The following LAD1 variants were observed in gnomAD, a reference collection of about 807,000 sequenced individuals.
LAD1 encodes the protein ladinin 1.
Under a neutral mutation model 54.2 loss-of-function variants are expected in LAD1, and 53 were observed. That is an observed-to-expected ratio of 0.98 (90% confidence interval 0.78 to 1.23). The LOEUF (loss-of-function observed/expected upper bound fraction) is 1.23, where lower values mean the gene tolerates loss of function less well. Among genes scored for constraint, LAD1 ranks in the 50% most tolerant of loss-of-function variants. The pLI is 0.00. For missense variants in LAD1, 637 were observed against 653.3 expected (o/e 0.98, Z 0.27); for synonymous variants, 231 against 257.7 (o/e 0.90, Z 0.99).
At chr1:201,385,378 A>C (rs1047818895) in intron 4 of LAD1, among the ~76,000 whole-genome samples, 2 of 152,188 alleles carry the variant, frequency 1.3e-5, no homozygotes, top group African/African-American at 4.8e-5. Flanking sequence ...CAAGTCTCCT[A>C]GGTGAGGCCA....
At chr1:201,390,810 C>T (rs1038335242) in intron 1 of LAD1, among the ~76,000 whole-genome samples, 8 of 152,156 alleles carry the variant, frequency 5.3e-5, no homozygotes, top group African/African-American at 1.9e-4. Flanking sequence ...AGTCACCCCA[C>T]ATAGGAACCA....
In LAD1 at chr1:201,382,244, C is replaced by T; in HGVS notation, c.1548+8G>A. On this transcript the variant is annotated splice_region_variant and intron_variant, in intron 9 of 9. Coordinates refer to ENST00000391967, the MANE Select transcript of LAD1 (RefSeq NM_005558.4). Reference sequence around the variant, plus strand: ...CGCCGTAGGGCCAGGCTCCTCCCCACCATTCACCTCAGCGTCCAGCGAGGA... The same window carrying T: ...CGCCGTAGGGCCAGGCTCCTCCCCATCATTCACCTCAGCGTCCAGCGAGGA... 6.2e-7 allele frequency: 1 copy of T among 1,611,210 alleles called. No homozygotes were observed. The highest frequency in any genetic ancestry group is 8.5e-7 in the Non-Finnish European group (1 of 1,177,868).
At chr1:201,385,908 G>A (rs1571720384) in intron 3 of LAD1, 103 bp from the exon 4 acceptor site, 1 of 822,014 alleles carries the variant, frequency 1.2e-6, no homozygotes, top group East Asian at 2.5e-5. Flanking sequence ...GAAGAGGGGA[G>A]AATGAGACAG....
Position 201,389,729 on chromosome 1 carries a change from C to T in LAD1, c.39-426G>A, listed in dbSNP as rs374881528. 1.1e-4 allele frequency among the ~76,000 whole-genome samples: 17 copies of T among 151,052 alleles called. 1 individual carries two copies. Among genetic ancestry groups the T allele is most frequent in the African/African-American group, 2.7e-4 (11 of 41,142 alleles). On this transcript the variant is annotated intron_variant, in intron 1 of 9. Coordinates refer to ENST00000391967, the MANE Select transcript of LAD1 (RefSeq NM_005558.4). Reference sequence around the variant, plus strand: ...CCCAGCTACTGAGGAGGTTGAGGCACGAGAATCACTTGAACCCAGGAGGCA... The same window carrying T: ...CCCAGCTACTGAGGAGGTTGAGGCATGAGAATCACTTGAACCCAGGAGGCA...
intron 5 of LAD1, 82 bp downstream of exon 5, chr1:201,384,710 C>T (rs753681466): frequency 2.1e-6 from 3 of 1,418,424 alleles, no homozygotes; most frequent in Non-Finnish European, 3.0e-6. Flanking sequence ...CACAGCCTGG[C>T]ACAAGGAGGG....
chr1:201,381,550 C>G lies in LAD1; in HGVS notation c.*338G>C. On this transcript the variant is annotated 3_prime_UTR_variant, in exon 10 of 10. Coordinates refer to ENST00000391967, the MANE Select transcript of LAD1 (RefSeq NM_005558.4). ...GTTCTTGAGGGGCGCCGTGCCCTGACTGTGGATGTGAGCAGGAAGGAGCAG... is the reference window on the plus strand; with the variant it reads ...GTTCTTGAGGGGCGCCGTGCCCTGAGTGTGGATGTGAGCAGGAAGGAGCAG... 2.5e-6 allele frequency: 1 copy of G among 394,640 alleles called. No individual in the cohort carries two copies. 24.4% of individuals were successfully genotyped at this position (394,640 alleles called of 1,614,324 possible).
intron 4 of LAD1, 78 bp downstream of exon 4, chr1:201,385,623 C>G: frequency 9.5e-7 from 1 of 1,051,596 alleles, no homozygotes; most frequent in South Asian, 1.3e-5. Flanking sequence ...TAACCTACGG[C>G]TCCTATGTTG....
At chr1:201,382,808 G>T in intron 7 of LAD1, 69 bp from the exon 8 acceptor site, 2 of 1,247,168 alleles carry the variant, frequency 1.6e-6, no homozygotes, top group Non-Finnish European at 2.3e-6. Context: ...CAGAGGCCCT[G>T]GAATGGGATA....
chr1:201,390,264 G>A (rs1286299644), intron 1 of LAD1, among the ~76,000 whole-genome samples: 2 of 151,264 alleles, frequency 1.3e-5, no homozygotes, highest in Non-Finnish European at 2.9e-5. Flanking sequence ...TAACATTTTA[G>A]GCCGGGCGCG....
intron 7 of LAD1, 149 bp from the exon 8 acceptor site, chr1:201,382,888 C>A: frequency 9.1e-6 from 9 of 984,448 alleles, no homozygotes; most frequent in Non-Finnish European, 1.4e-5. Context: ...CTCCCCTTCC[C>A]CCAGGGAGCT....
chr1:201,383,493 G>A, intron 5 of LAD1, 104 bp from the exon 6 acceptor site: 1 of 1,097,558 alleles, frequency 9.1e-7, no homozygotes, highest in Admixed American at 1.7e-5. Flanking sequence ...TCTCATTGTG[G>A]CCAAGAGAAT....
chr1:201,384,839 A>C lies in LAD1; in HGVS notation c.1132-4T>G. ...AGTTTTCTTTCTTGGGTTTCATCTG[A>C]AATGAGAAGGAAAGGCATTGTTGTG... On this transcript the variant is annotated splice_region_variant and splice_polypyrimidine_tract_variant and intron_variant, in intron 4 of 9. Transcript: ENST00000391967. The C allele has an allele frequency of 6.2e-7, 1 of 1,613,902 alleles. No individual in the cohort carries two copies. Among genetic ancestry groups the C allele is most frequent in the Non-Finnish European group, 8.5e-7 (1 of 1,179,996 alleles).
chr1:201,382,672 G>A lies in LAD1; in HGVS notation c.1454C>T (p.Ser485Phe), dbSNP rs1208047592. Residue 485 changes from serine to phenylalanine, a missense_variant, in exon 8 of 10, where the codon TCT (serine) becomes TTT (phenylalanine). Transcript: ENST00000391967. ...GGATACCTGGGGGTCCTGATCTCCA[G>A]ATTCCTGGGTCCTGCTGATCCACAG... ...LNLWISRTQE[S>F]GDQDPQEAQK... 4 of 1,605,644 alleles carry A rather than the reference G, an allele frequency of 2.5e-6. No homozygotes were observed. Among genetic ancestry groups the A allele is most frequent in the Non-Finnish European group, 3.4e-6 (4 of 1,176,416 alleles).
intron 1 of LAD1, among the ~76,000 whole-genome samples, chr1:201,394,981 G>C (rs535108201): frequency 6.6e-6 from 1 of 152,176 alleles, no homozygotes; most frequent in East Asian, 1.9e-4. Flanking sequence ...GATGGTGCAT[G>C]AGCACTCAGA....
Position 201,381,816 on chromosome 1 carries a change from T to G in LAD1, c.*72A>C. On this transcript the variant is annotated 3_prime_UTR_variant, in exon 10 of 10. Coordinates refer to ENST00000391967, the MANE Select transcript of LAD1 (RefSeq NM_005558.4). ...ACAATGAGAGGAAAGGGTGCTGCTG[T>G]GAGAGGCAGGGGCCTGGCATGAGGG... is the stretch of plus-strand genomic sequence containing the variant. The G allele has an allele frequency of 6.6e-7, 1 of 1,511,798 alleles. No individual in the cohort carries two copies. Among genetic ancestry groups the G allele is most frequent in the Non-Finnish European group, 9.2e-7 (1 of 1,086,898 alleles). The allele number at this position is 1,511,798 out of a possible 1,614,324, so 93.6% of individuals were successfully genotyped here.
In LAD1 at chr1:201,381,091, C is replaced by T. The variant is rs1361851843; in HGVS notation, c.*797G>A. The T allele has an allele frequency of 6.6e-6, 1 of 152,420 alleles. No homozygotes were observed. The highest frequency in any genetic ancestry group is 1.5e-5 in the Non-Finnish European group (1 of 68,140). 9.4% of individuals were successfully genotyped at this position (152,420 alleles called of 1,614,324 possible). A position where few individuals can be genotyped will look rare whatever the true frequency, so the allele number is the denominator to read the frequency against. On this transcript the variant is annotated 3_prime_UTR_variant, in exon 10 of 10. Transcript: ENST00000391967. Reference sequence around the variant, plus strand: ...AGGACTGCTGAGTGGCAAGCCACCACCTTAATGTGAGAAGAGGGGGGATGA... The same window carrying T: ...AGGACTGCTGAGTGGCAAGCCACCATCTTAATGTGAGAAGAGGGGGGATGA...
chr1:201,381,806 G>C lies in LAD1; in HGVS notation c.*82C>G. On this transcript the variant is annotated 3_prime_UTR_variant, in exon 10 of 10. Transcript: ENST00000391967. ...GGGAACAGGGACAATGAGAGGAAAG[G>C]GTGCTGCTGTGAGAGGCAGGGGCCT... is the stretch of plus-strand genomic sequence containing the variant. The C allele has an allele frequency of 7.1e-7, 1 of 1,409,832 alleles. No homozygotes were observed. Among genetic ancestry groups the C allele is most frequent in the Non-Finnish European group, 1.0e-6 (1 of 993,560 alleles). The allele number at this position is 1,409,832 out of a possible 1,614,324, so 87.3% of individuals were successfully genotyped here. A position where few individuals can be genotyped will look rare whatever the true frequency, so the allele number is the denominator to read the frequency against.
intron 9 of LAD1, 151 bp downstream of exon 9, chr1:201,382,101 G>A: frequency 1.2e-6 from 1 of 848,028 alleles, no homozygotes; most frequent in Non-Finnish European, 1.9e-6. Flanking sequence ...CTCACGGTTG[G>A]CTCAGACCAA....
intron 1 of LAD1, among the ~76,000 whole-genome samples, chr1:201,392,806 G>A (rs1037840504): frequency 6.6e-6 from 1 of 151,112 alleles, no homozygotes; most frequent in Non-Finnish European, 1.5e-5. Context: ...AAAAAACATT[G>A]AAAGGGCCAG....
Sources: allele counts gnomAD v4.1 joint callset (sites outside exome capture counted in the v4.1 genomes callset), GRCh38; gene constraint gnomAD v4.1.1; transcripts MANE v1.5; gene names NCBI Gene and HGNC (gene_info 2026-07-23, HGNC 2026-07-21).